The following SPIC variants were observed in gnomAD, a reference collection of about 807,000 sequenced individuals.
The protein encoded by SPIC is transcription factor Spi-C.
In SPIC, 9 loss-of-function variants were observed where a neutral mutation model predicts 16.7. The observed-to-expected ratio is 0.54, with a 90% CI of 0.33 to 0.94. SPIC has a LOEUF of 0.94. Ranked by LOEUF, SPIC falls within the 40% of genes least tolerant of loss-of-function variation. The probability of loss-of-function intolerance (pLI) is 0.03; values close to 1 mark genes in which losing one functional copy is unlikely to be tolerated. For missense variants in SPIC, 241 were observed against 285.8 expected, an observed-to-expected ratio of 0.84 and a Z score of 1.13; for synonymous variants, 97 against 102.9, an observed-to-expected ratio of 0.94 and a Z score of 0.35.
intron 5 of SPIC, among the ~76,000 whole-genome samples, chr12:101,483,218 A>T (rs998577114): frequency 6.6e-6 from 1 of 150,942 alleles, no homozygotes; most frequent in Admixed American, 6.6e-5. Context: ...CTATTTTTAA[A>T]TTTTTTTATT....
intron 3 of SPIC, among the ~76,000 whole-genome samples, chr12:101,479,196 G>GAAAGAAAGAA (rs1565831041): frequency 1.9e-4 from 21 of 109,830 alleles, no homozygotes; most frequent in African/African-American, 6.4e-4. Context: ...AAGAAAGAAA[G>GAAAGAAAGAA]AAAGAAAGAA....
At chr12:101,485,523 A>G (rs1370618879) in intron 5 of SPIC, among the ~76,000 whole-genome samples, 1 of 152,188 alleles carries the variant, frequency 6.6e-6, no homozygotes, top group East Asian at 1.9e-4. Flanking sequence ...TTTCCATATG[A>G]GTTTTTCTCC....
rs752671552 is a variant in SPIC at position 101,479,550 on chromosome 12, T to A, written c.98-32T>A. 3.2e-6 allele frequency: 5 copies of A among 1,570,738 alleles called. No homozygotes were observed. In the Admixed American group the frequency reaches 8.5e-5, roughly 27 times the overall value. On this transcript the variant is annotated intron_variant, in intron 3 of 5. Transcript: ENST00000551346. The stretch of plus-strand genomic sequence containing the variant: ...TATATGCACAAATACAAACTTTGAC[T>A]TTTTTAGTTTCTTTCTCTGATTTAA...
chr12:101,477,745 T>C, intron 3 of SPIC, 94 bp downstream of exon 3: 1 of 1,125,774 alleles, frequency 8.9e-7, no homozygotes, highest in Non-Finnish European at 1.3e-6. Context: ...GACCAGGTGC[T>C]GTGGCTCACA....
intron 4 of SPIC, among the ~76,000 whole-genome samples, chr12:101,481,369 T>G (rs11110817): frequency 0.4 from 60,045 of 151,626 alleles, 13,796 homozygotes; most frequent in Middle Eastern, 0.56. Flanking sequence ...AAATATAAAT[T>G]TTTTTGTTCT....
At position 101,477,575 on chromosome 12, in the gene SPIC, C is replaced by G; in HGVS notation, c.21C>G (p.Asp7Glu). 26 of 1,614,068 alleles carry G rather than the reference C, an allele frequency of 1.6e-5. No individual in the cohort carries two copies. The highest frequency in any genetic ancestry group is 2.1e-5 in the Non-Finnish European group (25 of 1,179,982). The change falls in exon 3 of 6, where the codon GAC (aspartate) becomes GAG (glutamate). Residue 7 changes from aspartate to glutamate, a missense_variant. Asp to Glu is a conservative substitution (Grantham distance 45, BLOSUM62 2). Coordinates refer to ENST00000551346, the MANE Select transcript of SPIC (RefSeq NM_152323.3). ...TCCAACAGACGTGTGTTGAACAAGACAAGCTGGGTCAAGCATTTGAAGATG... is the reference window on the plus strand; with the variant it reads ...TCCAACAGACGTGTGTTGAACAAGAGAAGCTGGGTCAAGCATTTGAAGATG... Reference protein sequence around the residue: MTCVEQDKLGQAFEDAF... With the variant: MTCVEQEKLGQAFEDAF...
At chr12:101,481,020 C>T (rs575418630) in intron 4 of SPIC, among the ~76,000 whole-genome samples, 4 of 152,270 alleles carry the variant, frequency 2.6e-5, no homozygotes, top group South Asian at 4.1e-4. Context: ...CTGGGGACTC[C>T]TTGCCTGCTG....
rs200545861 is a variant in SPIC, at chr12:101,486,304, C to T, written c.320-40C>T. On this transcript the variant is annotated intron_variant, in intron 5 of 5. Coordinates refer to ENST00000551346, the MANE Select transcript of SPIC (RefSeq NM_152323.3). ...CCTTTCTGAGGATGTTCTCGGTTTA[C>T]AGCCACGGTGGAGTTTGACCTTGTT... 7.0e-4 allele frequency: 1,085 copies of T among 1,559,624 alleles called. 1 individual carries two copies. Among genetic ancestry groups the T allele is most frequent in the Non-Finnish European group, 8.6e-4 (991 of 1,154,586 alleles).
chr12:101,476,888 CAATT>C lies in SPIC; in HGVS notation c.-16_-13del. The C allele has an allele frequency of 7.0e-7, 1 of 1,429,766 alleles. No homozygotes were observed. Among genetic ancestry groups the C allele is most frequent in the Non-Finnish European group, 9.4e-7 (1 of 1,069,370 alleles). The allele number at this position is 1,429,766 out of a possible 1,614,324, so 88.6% of individuals were successfully genotyped here. ...AACAATTGCTAAGGAACAGAATTGTCAATTTATTAATGAAATATGGTAAGCTGAC... is the reference window on the plus strand; with the variant it reads ...AACAATTGCTAAGGAACAGAATTGTCTATTAATGAAATATGGTAAGCTGAC... On this transcript the variant is annotated 5_prime_UTR_variant, in exon 2 of 6. Transcript: ENST00000551346.
intron 3 of SPIC, among the ~76,000 whole-genome samples, chr12:101,478,233 G>A (rs1235987651): frequency 3.5e-4 from 53 of 151,798 alleles, no homozygotes; most frequent in Non-Finnish European, 1.3e-4. Flanking sequence ...GGGTTTCACC[G>A]TGTTAGCCAG....
chr12:101,482,239 A>C (rs1873225818), intron 4 of SPIC, among the ~76,000 whole-genome samples: 1 of 150,880 alleles, frequency 6.6e-6, no homozygotes, highest in Non-Finnish European at 1.5e-5. Flanking sequence ...TCTCAAAAAA[A>C]AAAAAAAAAT....
intron 3 of SPIC, among the ~76,000 whole-genome samples, chr12:101,478,083 G>A (rs1020789759): frequency 2.1e-5 from 3 of 142,018 alleles, no homozygotes; most frequent in African/African-American, 7.9e-5. Flanking sequence ...CCAGGCTGGC[G>A]TGCAGTGGCG....
At chr12:101,479,347 G>GAAAGAAAGAAAGAAAGAA (rs1565831386) in intron 3 of SPIC, among the ~76,000 whole-genome samples, 3 of 150,086 alleles carry the variant, frequency 2.0e-5, no homozygotes, top group African/African-American at 7.4e-5. Context: ...AAGAAAGAAA[G>GAAAGAAAGAAAGAAAGAA]AAAGAAAGAA....
intron 5 of SPIC, among the ~76,000 whole-genome samples, chr12:101,483,288 G>A (rs1019803103): frequency 6.6e-6 from 1 of 151,870 alleles, no homozygotes; most frequent in South Asian, 2.1e-4. Context: ...ACACACATTA[G>A]CCTAGGAGTA....
At chr12:101,478,787 G>A (rs552549466) in intron 3 of SPIC, among the ~76,000 whole-genome samples, 38 of 152,110 alleles carry the variant, frequency 2.5e-4, no homozygotes, top group Non-Finnish European at 4.9e-4. Context: ...TAAATAGAAT[G>A]CAAATATGTT....
chr12:101,480,096 G>A (rs565767354), intron 4 of SPIC, among the ~76,000 whole-genome samples: 2 of 152,272 alleles, frequency 1.3e-5, no homozygotes, highest in Admixed American at 1.3e-4. Flanking sequence ...GATTACAGGC[G>A]TGAGCCACTG....
chr12:101,486,693 T>G lies in SPIC; in HGVS notation c.669T>G (p.Tyr223Ter). The stretch of plus-strand genomic sequence containing the variant: ...AGTGTGTTCAACCTGATCAAGAATA[T>G]CTCAGTTTAAATAACTGGAATGCAA... Reference protein sequence around the residue: ...YSQCVQPDQEYLSLNNWNANY... With the variant: ...YSQCVQPDQE Residue 223 changes from tyrosine to a stop codon, truncating the protein, a stop_gained, in exon 6 of 6, where the codon TAT becomes TAG. Coordinates refer to ENST00000551346, the MANE Select transcript of SPIC (RefSeq NM_152323.3). LOFTEE classifies it low-confidence loss of function (END_TRUNC). The G allele has an allele frequency of 6.2e-7, 1 of 1,610,368 alleles. No individual in the cohort carries two copies. The highest frequency in any genetic ancestry group is 8.5e-7 in the Non-Finnish European group (1 of 1,177,628).
At chr12:101,483,091 T>G (rs1297241441) in intron 5 of SPIC, among the ~76,000 whole-genome samples, 191 bp downstream of exon 5, 1 of 150,962 alleles carries the variant, frequency 6.6e-6, no homozygotes, top group African/African-American at 2.4e-5. Context: ...CCTGTGTTTT[T>G]TTTTTTTTTT....
chr12:101,478,680 T>A (rs933562156), intron 3 of SPIC, among the ~76,000 whole-genome samples: 8 of 152,232 alleles, frequency 5.3e-5, no homozygotes, highest in African/African-American at 1.9e-4. Flanking sequence ...TTCCAATGAA[T>A]CTTATAGACC....
Sources: allele counts gnomAD v4.1 joint callset (sites outside exome capture counted in the v4.1 genomes callset), GRCh38; gene constraint gnomAD v4.1.1; transcripts MANE v1.5; gene names NCBI Gene and HGNC (gene_info 2026-07-23, HGNC 2026-07-21).